RAB1A: variants seen among roughly 807,000 people sequenced by gnomAD.
RAB1A encodes ras-related protein Rab-1A.
Under a neutral mutation model 26.0 loss-of-function variants are expected in RAB1A, and 2 were observed. That is an observed-to-expected ratio of 0.08 (90% CI 0.03 to 0.24). RAB1A has a LOEUF of 0.24. Ranked by LOEUF, RAB1A falls within the 10% of genes least tolerant of loss-of-function variation. RAB1A has a pLI of 1.00. For missense variants in RAB1A, 100 were observed against 247.0 expected (o/e 0.40, Z 3.99); for synonymous variants, 84 against 84.9 (o/e 0.99, Z 0.06).
intron 1 of RAB1A, among the ~76,000 whole-genome samples, chr2:65,124,399 A>C (rs563541036): frequency 1.3e-5 from 2 of 152,316 alleles, no homozygotes; most frequent in African/African-American, 4.8e-5. Flanking sequence ...TAGGAGGCAC[A>C]GTCGCTACAA....
chr2:65,111,361 CAAAA>C (rs35527449), intron 1 of RAB1A, among the ~76,000 whole-genome samples: 2 of 112,248 alleles, frequency 1.8e-5, no homozygotes, highest in African/African-American at 3.4e-5. Flanking sequence ...GACACCATCT[CAAAA>C]AAAAAAAAAA....
chr2:65,114,212 A>T, intron 1 of RAB1A: 1 of 395,724 alleles, frequency 2.5e-6, no homozygotes, highest in Non-Finnish European at 5.0e-6. Context: ...TTCACATGTC[A>T]ATGAACACTT....
chr2:65,092,516 T>G (rs1455890249), intron 3 of RAB1A, among the ~76,000 whole-genome samples: 1 of 152,244 alleles, frequency 6.6e-6, no homozygotes, highest in East Asian at 1.9e-4. Flanking sequence ...AGCTGCTCAA[T>G]AAAGCAAGTT....
At chr2:65,097,758 G>A (rs1669326608) in intron 3 of RAB1A, among the ~76,000 whole-genome samples, 1 of 152,130 alleles carries the variant, frequency 6.6e-6, no homozygotes, top group Admixed American at 6.5e-5. Context: ...GAGTTTCTCT[G>A]CTTCATGAAT....
At chr2:65,101,432 C>T (rs78429303) in intron 2 of RAB1A, among the ~76,000 whole-genome samples, 4,812 of 152,156 alleles carry the variant, frequency 0.032, 269 homozygotes, top group African/African-American at 0.11. Context: ...ATAGTCCTCA[C>T]GATTGTCTCT....
At position 65,129,810 on chromosome 2, in the gene RAB1A, T is replaced by C. The variant is rs1286356180; in HGVS notation, c.23+83A>G. On this transcript the variant is annotated intron_variant, in intron 1 of 5. Transcript: ENST00000409784. ...GCCTCACCCCAGCCGATGCCCCGAC[T>C]TCTGCCCCAACCCTCCTCGACCCCT... The C allele has an allele frequency of 2.0e-5, 31 of 1,546,168 alleles. No individual in the cohort carries two copies. The Middle Eastern group carries it at 5.0e-4, about 25-fold the overall frequency.
At chr2:65,109,709 CAA>C (rs112595111) in intron 1 of RAB1A, among the ~76,000 whole-genome samples, 6 of 125,202 alleles carry the variant, frequency 4.8e-5, no homozygotes, top group South Asian at 2.5e-4. Flanking sequence ...GACTCCATCT[CAA>C]AAAAAAAAAA....
At chr2:65,106,668 A>AGGCCGGGTGCGGTGGCTCACGCCT (rs376929911) in intron 1 of RAB1A, among the ~76,000 whole-genome samples, 2 of 149,052 alleles carry the variant, frequency 1.3e-5, no homozygotes, top group South Asian at 2.1e-4. Context: ...CTTCTAAACA[A>AGGCCGGGTGCGGTGGCTCACGCCT]GTAAATCAGA....
chr2:65,112,090 A>C (rs1314702881), intron 1 of RAB1A, among the ~76,000 whole-genome samples: 1 of 152,146 alleles, frequency 6.6e-6, no homozygotes. Context: ...CTCAAAAAAA[A>C]CAAAACAAAA....
chr2:65,097,198 T>C (rs1381863059), intron 3 of RAB1A, among the ~76,000 whole-genome samples: 1 of 152,220 alleles, frequency 6.6e-6, no homozygotes, highest in Non-Finnish European at 1.5e-5. Flanking sequence ...TAGCCTACTC[T>C]GAAAAATACT....
At chr2:65,088,822 C>T in intron 5 of RAB1A, 117 bp downstream of exon 5, 2 of 1,331,092 alleles carry the variant, frequency 1.5e-6, no homozygotes, top group South Asian at 1.5e-5. Context: ...CAAATTGTCA[C>T]TGTCACAGTA....
At chr2:65,121,081 T>C in intron 1 of RAB1A, among the ~76,000 whole-genome samples, 1 of 151,060 alleles carries the variant, frequency 6.6e-6, no homozygotes, top group Non-Finnish European at 1.5e-5. Flanking sequence ...CATAGCGACA[T>C]CTCATCTCTT....
At chr2:65,113,018 G>A (rs1669737529) in intron 1 of RAB1A, among the ~76,000 whole-genome samples, 1 of 152,066 alleles carries the variant, frequency 6.6e-6, no homozygotes, top group Non-Finnish European at 1.5e-5. Flanking sequence ...AGACCAGCCT[G>A]GGCAACATAG....
intron 2 of RAB1A, among the ~76,000 whole-genome samples, chr2:65,099,986 A>T (rs1370085008): frequency 1.3e-5 from 2 of 152,230 alleles, no homozygotes; most frequent in Non-Finnish European, 2.9e-5. Context: ...TGACATAAAA[A>T]ATATATAAAT....
chr2:65,127,256 C>T (rs751949083), intron 1 of RAB1A, among the ~76,000 whole-genome samples: 1 of 152,140 alleles, frequency 6.6e-6, no homozygotes. Context: ...CTTGAAAATT[C>T]CTAGTCACTC....
chr2:65,113,311 A>G (rs1397800946), intron 1 of RAB1A, among the ~76,000 whole-genome samples: 2 of 152,142 alleles, frequency 1.3e-5, no homozygotes, highest in Non-Finnish European at 2.9e-5. Flanking sequence ...GTATGTACCT[A>G]CGCCATTTTT....
chr2:65,105,486 G>C (rs1669531360), intron 1 of RAB1A: 1 of 134,314 alleles, frequency 7.4e-6, no homozygotes, highest in South Asian at 2.3e-4. Context: ...GCTCCAGCCT[G>C]GGCAATAAGA....
chr2:65,089,441 C>T (rs1038920790), intron 4 of RAB1A, among the ~76,000 whole-genome samples: 5 of 151,968 alleles, frequency 3.3e-5, no homozygotes, highest in Admixed American at 2.6e-4. Context: ...GTCTCGAACT[C>T]CTGAGCTCAA....
intron 2 of RAB1A, among the ~76,000 whole-genome samples, 177 bp from the exon 3 acceptor site, chr2:65,098,243 TC>T (rs1229776993): frequency 2.6e-5 from 4 of 152,292 alleles, no homozygotes; most frequent in African/African-American, 9.6e-5. Flanking sequence ...AGCCACTCCA[TC>T]CACTTTCAGT....
Sources: allele counts gnomAD v4.1 joint callset (sites outside exome capture counted in the v4.1 genomes callset), GRCh38; gene constraint gnomAD v4.1.1; transcripts MANE v1.5; gene names NCBI Gene and HGNC (gene_info 2026-07-23, HGNC 2026-07-21).